DOK6: variants seen among roughly 807,000 people sequenced by gnomAD.
DOK6 encodes the protein downstream of tyrosine kinase 6.
DOK6 carries 22 observed loss-of-function variants against 44.0 expected under a neutral mutation model. The observed-to-expected ratio is 0.50, with a 90% confidence interval of 0.36 to 0.71. The LOEUF is 0.71. Ranked by LOEUF, DOK6 falls within the 30% of genes least tolerant of loss-of-function variation. The pLI, the probability that DOK6 is intolerant of heterozygous loss-of-function variation, is 0.00. For synonymous variants in DOK6, 166 were observed against 145.5 expected, an observed-to-expected ratio of 1.14 and a Z score of -1.01; for missense variants, 340 against 416.4, an observed-to-expected ratio of 0.82 and a Z score of 1.60.
Position 69,824,171 on chromosome 18 carries a change from A to G in DOK6, c.857-17073A>G, listed in dbSNP as rs1282806397. 3.4e-5 allele frequency among the ~76,000 whole-genome samples: 5 copies of G among 145,238 alleles called. No homozygotes were observed. The East Asian group carries it at 8.4e-4, about 25-fold the overall frequency. The stretch of plus-strand genomic sequence containing the variant: ...TAACTCGTCATTTAACATTAGGTAT[A>G]TCTCCTAATGCTATCCCTCCCCCCT... On this transcript the variant is annotated intron_variant, in intron 7 of 7. Coordinates refer to ENST00000382713, the MANE Select transcript of DOK6 (RefSeq NM_152721.6).
intron 4 of DOK6, among the ~76,000 whole-genome samples, chr18:69,692,602 T>G (rs530367246): frequency 2.2e-4 from 34 of 152,348 alleles, no homozygotes; most frequent in African/African-American, 8.2e-4. Flanking sequence ...GAAGTGAGTC[T>G]TAACTTTATG....
intron 4 of DOK6, among the ~76,000 whole-genome samples, chr18:69,695,285 G>A (rs1188194800): frequency 2.0e-5 from 3 of 152,108 alleles, no homozygotes; most frequent in African/African-American, 7.2e-5. Flanking sequence ...AGATTGGAGG[G>A]GGCCCAGCAT....
intron 4 of DOK6, among the ~76,000 whole-genome samples, chr18:69,686,721 A>G (rs963719366): frequency 6.8e-6 from 1 of 147,268 alleles, no homozygotes; most frequent in Non-Finnish European, 1.5e-5. Flanking sequence ...AACAGGAACC[A>G]CATATAATAA....
intron 7 of DOK6, among the ~76,000 whole-genome samples, chr18:69,791,847 G>T (rs962829352): frequency 4.6e-5 from 7 of 151,982 alleles, no homozygotes; most frequent in African/African-American, 7.2e-5. Context: ...CCTGGATTGT[G>T]TCTCCAATGT....
intron 1 of DOK6, among the ~76,000 whole-genome samples, chr18:69,423,109 G>C (rs1157447942): frequency 6.6e-6 from 1 of 152,170 alleles, no homozygotes; most frequent in Non-Finnish European, 1.5e-5. Context: ...TTTGAGACCA[G>C]CTTGGGTACA....
intron 1 of DOK6, among the ~76,000 whole-genome samples, chr18:69,531,801 G>A: frequency 6.6e-6 from 1 of 152,160 alleles, no homozygotes; most frequent in Non-Finnish European, 1.5e-5. Context: ...CCTTTTTAAA[G>A]GATATCTCCT....
intron 4 of DOK6, among the ~76,000 whole-genome samples, chr18:69,696,060 C>T (rs1194957138): frequency 2.6e-5 from 4 of 152,070 alleles, no homozygotes; most frequent in East Asian, 1.9e-4. Flanking sequence ...TGATGATATA[C>T]ATAGCGATAG....
chr18:69,582,425 C>A (rs1297995234), intron 2 of DOK6, among the ~76,000 whole-genome samples: 1 of 151,264 alleles, frequency 6.6e-6, no homozygotes, highest in Non-Finnish European at 1.5e-5. Flanking sequence ...TAGATCTCAC[C>A]TAGGGTTGGT....
chr18:69,607,698 T>C (rs754559580), intron 3 of DOK6, among the ~76,000 whole-genome samples: 42 of 152,106 alleles, frequency 2.8e-4, no homozygotes, highest in Non-Finnish European at 5.4e-4. Flanking sequence ...GTCTAAAAAA[T>C]TTTCAAAGAA....
At chr18:69,695,806 G>A (rs1986376106) in intron 4 of DOK6, among the ~76,000 whole-genome samples, 1 of 152,184 alleles carries the variant, frequency 6.6e-6, no homozygotes, top group Non-Finnish European at 1.5e-5. Flanking sequence ...TATAATCTTA[G>A]CATAATGTCT....
At chr18:69,574,125 T>G (rs1001110211) in intron 2 of DOK6, among the ~76,000 whole-genome samples, 6 of 152,006 alleles carry the variant, frequency 3.9e-5, no homozygotes, top group Non-Finnish European at 8.8e-5. Flanking sequence ...ATGAATGTAA[T>G]CATATAATGT....
intron 1 of DOK6, among the ~76,000 whole-genome samples, chr18:69,540,440 T>C (rs1257211926): frequency 6.6e-6 from 1 of 152,242 alleles, no homozygotes; most frequent in East Asian, 1.9e-4. Flanking sequence ...ATGTGTCTAG[T>C]TCCCAGGGAC....
At chr18:69,626,563 C>A (rs1984561620) in intron 3 of DOK6, among the ~76,000 whole-genome samples, 1 of 152,114 alleles carries the variant, frequency 6.6e-6, no homozygotes, top group Admixed American at 6.5e-5. Flanking sequence ...TGGGAAGAGG[C>A]TAAAATATAC....
At chr18:69,578,351 A>G (rs1983286458) in intron 2 of DOK6, among the ~76,000 whole-genome samples, 1 of 152,214 alleles carries the variant, frequency 6.6e-6, no homozygotes, top group African/African-American at 2.4e-5. Flanking sequence ...GTAACATAAT[A>G]TGTAAAATGT....
intron 5 of DOK6, among the ~76,000 whole-genome samples, chr18:69,715,519 G>T (rs560694046): frequency 6.6e-6 from 1 of 152,194 alleles, no homozygotes; most frequent in Non-Finnish European, 1.5e-5. Context: ...ATCAGCTCTC[G>T]CGATCTCACG....
intron 2 of DOK6, among the ~76,000 whole-genome samples, chr18:69,590,659 C>T (rs1983601856): frequency 6.6e-6 from 1 of 152,042 alleles, no homozygotes; most frequent in Non-Finnish European, 1.5e-5. Flanking sequence ...AGGCTTAGGT[C>T]CTTGAAGGGC....
At chr18:69,606,451 C>A (rs1271514914) in intron 3 of DOK6, among the ~76,000 whole-genome samples, 1 of 151,954 alleles carries the variant, frequency 6.6e-6, no homozygotes, top group Non-Finnish European at 1.5e-5. Flanking sequence ...ACATCATAAT[C>A]CATGAATAAA....
chr18:69,505,278 C>T (rs1051337603), intron 1 of DOK6, among the ~76,000 whole-genome samples: 2 of 152,060 alleles, frequency 1.3e-5, no homozygotes, highest in African/African-American at 2.4e-5. Context: ...GGAGTTTTAT[C>T]TTCCCTTACC....
intron 7 of DOK6, among the ~76,000 whole-genome samples, chr18:69,828,710 C>G (rs1981812441): frequency 6.6e-6 from 1 of 150,916 alleles, no homozygotes; most frequent in African/African-American, 2.4e-5. Context: ...CTTTTTATAA[C>G]TGTGGGCTGA....
Sources: gnomAD v4.1 joint callset for allele counts (sites outside exome capture counted in the v4.1 genomes callset) on GRCh38, gnomAD v4.1.1 for gene constraint, MANE v1.5 for transcripts, NCBI Gene and HGNC (gene_info 2026-07-23, HGNC 2026-07-21) for gene names.